JAK1: variants seen among roughly 807,000 people sequenced by gnomAD.
JAK1 encodes the protein tyrosine-protein kinase JAK1.
JAK1 carries 16 observed loss-of-function variants against 136.6 expected under a neutral mutation model. The observed-to-expected ratio is 0.12, with a 90% CI of 0.08 to 0.18. The LOEUF (loss-of-function observed/expected upper bound fraction) is 0.18, where lower values mean the gene tolerates loss of function less well. Ranked by LOEUF, JAK1 falls within the 10% of genes least tolerant of loss-of-function variation. The pLI, the probability that JAK1 is intolerant of heterozygous loss-of-function variation, is 1.00. For synonymous variants in JAK1, 492 were observed against 519.5 expected, an observed-to-expected ratio of 0.95 and a Z score of 0.72; for missense variants, 859 against 1,450.1, an observed-to-expected ratio of 0.59 and a Z score of 6.62.
chr1:64,869,856 G>A (rs1656966782), intron 5 of JAK1, among the ~76,000 whole-genome samples: 1 of 152,136 alleles, frequency 6.6e-6, no homozygotes, highest in Non-Finnish European at 1.5e-5. Context: ...ATGCTTAGAT[G>A]GCCTTGTCTA....
chr1:65,049,965 G>T (rs1647241609), intron 1 of JAK1, among the ~76,000 whole-genome samples: 1 of 152,190 alleles, frequency 6.6e-6, no homozygotes, highest in African/African-American at 2.4e-5. Flanking sequence ...TTTTATGGGG[G>T]TGAAGGGTGG....
At chr1:64,976,015 A>C (rs758560997) in intron 2 of JAK1, among the ~76,000 whole-genome samples, 20 of 152,162 alleles carry the variant, frequency 1.3e-4, no homozygotes, top group Non-Finnish European at 2.5e-4. Flanking sequence ...GATCTTTACC[A>C]CTTGATTAAC....
intron 2 of JAK1, among the ~76,000 whole-genome samples, chr1:65,043,615 C>T (rs1185468330): frequency 6.6e-6 from 1 of 152,044 alleles, no homozygotes; most frequent in Non-Finnish European, 1.5e-5. Flanking sequence ...CTCACTGCAA[C>T]CTCTGCCTCC....
chr1:65,064,301 TGGCTAGTGGCTACCATA>T (rs1202015929), intron 1 of JAK1, among the ~76,000 whole-genome samples: 33 of 152,366 alleles, frequency 2.2e-4, no homozygotes, highest in Non-Finnish European at 4.0e-4. Context: ...AATAGCCACG[TGGCTAGTGGCTACCATA>T]TTAGGGCAGG....
rs907757908 is a variant in JAK1, at chr1:64,836,036, C to T, written c.3258+62G>A. The T allele has an allele frequency of 7.0e-6, 6 of 861,380 alleles. No homozygotes were observed. The South Asian group carries it at 7.4e-5, about 11-fold the overall frequency. The allele number at this position is 861,380 out of a possible 1,614,324, so 53.4% of individuals were successfully genotyped here. On this transcript the variant is annotated intron_variant, in intron 23 of 24. Coordinates refer to ENST00000342505, the MANE Select transcript of JAK1 (RefSeq NM_002227.4). ...CATTTAAAAACAAAAGTTAACCAAG[C>T]AGAGGGATGGACACATTTTAAATGG... is the stretch of plus-strand genomic sequence containing the variant.
intron 2 of JAK1, among the ~76,000 whole-genome samples, chr1:64,971,790 C>T (rs1646454815): frequency 6.6e-6 from 1 of 152,200 alleles, no homozygotes; most frequent in Non-Finnish European, 1.5e-5. Flanking sequence ...AACGCCTGAC[C>T]TCAAGTGATC....
At chr1:64,959,362 A>C (rs1646244102) in intron 1 of JAK1, among the ~76,000 whole-genome samples, 1 of 152,258 alleles carries the variant, frequency 6.6e-6, no homozygotes, top group Non-Finnish European at 1.5e-5. Flanking sequence ...TTATGGAAAC[A>C]GAAACTGTAA....
At chr1:65,067,468 C>G (rs1648112076) in intron 1 of JAK1, 1 of 147,230 alleles carries the variant, frequency 6.8e-6, no homozygotes, top group South Asian at 2.1e-4. Flanking sequence ...CGGCGGCGCA[C>G]GGGCGCGCAC....
chr1:65,062,494 A>G (rs547812), intron 1 of JAK1, among the ~76,000 whole-genome samples: 142,310 of 152,252 alleles, frequency 0.93, 66,604 homozygotes, highest in East Asian at 1. Context: ...CAGCTAAAGG[A>G]GCCAATACCA....
At chr1:64,923,544 A>T (rs17397674) in intron 1 of JAK1, among the ~76,000 whole-genome samples, 2 of 152,148 alleles carry the variant, frequency 1.3e-5, no homozygotes, top group East Asian at 3.8e-4. Flanking sequence ...TGTGGTGACT[A>T]TGTCACAAAT....
At chr1:64,857,348 T>C (rs952840750) in intron 10 of JAK1, among the ~76,000 whole-genome samples, 1 of 152,210 alleles carries the variant, frequency 6.6e-6, no homozygotes, top group Non-Finnish European at 1.5e-5. Context: ...CACTATACTT[T>C]CCAAGTGTTG....
chr1:64,938,015 G>A (rs940528192), intron 1 of JAK1, among the ~76,000 whole-genome samples: 1 of 151,840 alleles, frequency 6.6e-6, no homozygotes, highest in Non-Finnish European at 1.5e-5. Context: ...AAGTAGCTAT[G>A]ACTACAGGTG....
At chr1:64,925,547 C>T (rs933511506) in intron 1 of JAK1, among the ~76,000 whole-genome samples, 1 of 152,150 alleles carries the variant, frequency 6.6e-6, no homozygotes, top group African/African-American at 2.4e-5. Context: ...CTCAATGTGG[C>T]TCCAATGAGT....
intron 1 of JAK1, among the ~76,000 whole-genome samples, chr1:64,950,006 T>C (rs961840667): frequency 6.6e-6 from 1 of 152,188 alleles, no homozygotes. Context: ...AGAAGACAGG[T>C]ATATGTATCC....
At chr1:64,995,573 A>G (rs1399592057) in intron 2 of JAK1, among the ~76,000 whole-genome samples, 1 of 152,198 alleles carries the variant, frequency 6.6e-6, no homozygotes, top group Non-Finnish European at 1.5e-5. Flanking sequence ...ATACTGAAAG[A>G]GGATAATTTA....
At chr1:64,977,245 C>G (rs1410642489) in intron 2 of JAK1, among the ~76,000 whole-genome samples, 1 of 152,088 alleles carries the variant, frequency 6.6e-6, no homozygotes, top group Non-Finnish European at 1.5e-5. Context: ...GACCTCCTGG[C>G]TCAGGCCATC....
intron 1 of JAK1, among the ~76,000 whole-genome samples, chr1:64,929,286 A>G (rs1346138426): frequency 6.6e-6 from 1 of 152,242 alleles, no homozygotes; most frequent in African/African-American, 2.4e-5. Flanking sequence ...GTAATAAAGA[A>G]TGAAAGTATT....
At chr1:64,839,125 C>A (rs1356741933) in intron 20 of JAK1, among the ~76,000 whole-genome samples, 6 of 124,874 alleles carry the variant, frequency 4.8e-5, no homozygotes, top group Non-Finnish European at 9.6e-5. Context: ...CAGCCTGGGC[C>A]ACAGAGCGAG....
At chr1:64,920,122 A>G (rs1243052818) in intron 1 of JAK1, among the ~76,000 whole-genome samples, 1 of 152,258 alleles carries the variant, frequency 6.6e-6, no homozygotes, top group African/African-American at 2.4e-5. Flanking sequence ...TGGTTAAAGA[A>G]TCAAACAAAA....
Sources: gnomAD v4.1 joint callset for allele counts (sites outside exome capture counted in the v4.1 genomes callset) on GRCh38, gnomAD v4.1.1 for gene constraint, MANE v1.5 for transcripts, NCBI Gene and HGNC (gene_info 2026-07-23, HGNC 2026-07-21) for gene names.